The following ACCSL variants were observed in gnomAD, a reference collection of about 807,000 sequenced individuals.
ACCSL encodes the protein probable inactive 1-aminocyclopropane-1-carboxylate synthase-like protein 2.
In ACCSL, 55 loss-of-function variants were observed where a neutral mutation model predicts 61.7. The ratio of observed to expected loss-of-function variants is 0.89; its 90% CI spans 0.72 to 1.12. The LOEUF is 1.12. Among genes scored for constraint, ACCSL ranks in the 50% most tolerant of loss-of-function variants. The probability of loss-of-function intolerance (pLI) is 0.00; values close to 1 mark genes in which losing one functional copy is unlikely to be tolerated. For synonymous variants in ACCSL, 258 were observed against 264.3 expected (o/e 0.98, Z 0.23); for missense variants, 632 against 698.0 (o/e 0.91, Z 1.07).
intron 1 of ACCSL, 44 bp downstream of exon 1, chr11:44,048,584 C>A: frequency 2.0e-6 from 3 of 1,470,908 alleles, no homozygotes; most frequent in Admixed American, 1.7e-5. Context: ...TCACGGGCTC[C>A]AGTCACTTGG....
chr11:43,937,622 T>C, the ACCSL span, among the ~76,000 whole-genome samples: 1 of 152,198 alleles, frequency 6.6e-6, no homozygotes, highest in African/African-American at 2.4e-5. Flanking sequence ...CTCTTTCCAG[T>C]GCTGGACTGT....
the ACCSL span, among the ~76,000 whole-genome samples, chr11:43,998,684 A>G: frequency 6.6e-6 from 1 of 152,108 alleles, no homozygotes; most frequent in Non-Finnish European, 1.5e-5. Context: ...ACTTCTTCAT[A>G]GATTCATTCA....
the ACCSL span, among the ~76,000 whole-genome samples, chr11:44,033,812 C>T: frequency 1.3e-3 from 195 of 152,170 alleles, no homozygotes; most frequent in Non-Finnish European, 2.1e-3. Flanking sequence ...TTCACTGAGC[C>T]GCAGCTCTGG....
chr11:44,027,140 A>G, the ACCSL span, among the ~76,000 whole-genome samples: 2 of 152,204 alleles, frequency 1.3e-5, no homozygotes, highest in African/African-American at 4.8e-5. Flanking sequence ...CCTAGATACA[A>G]TAAGTTTCTC....
At chr11:44,040,306 A>C in the ACCSL span, among the ~76,000 whole-genome samples, 1 of 152,212 alleles carries the variant, frequency 6.6e-6, no homozygotes, top group African/African-American at 2.4e-5. Flanking sequence ...GGCCTAGCCT[A>C]CTTCAAAGAG....
chr11:43,936,913 C>T, the ACCSL span, among the ~76,000 whole-genome samples: 5 of 152,100 alleles, frequency 3.3e-5, no homozygotes, highest in African/African-American at 7.2e-5. Flanking sequence ...AAGAGGCCCT[C>T]AGTGAGCAGG....
chr11:43,924,950 T>G, the ACCSL span: 1 of 159,846 alleles, frequency 6.3e-6, no homozygotes, highest in Non-Finnish European at 1.4e-5. Context: ...CTTCGGGTTG[T>G]TTCCTGGAAT....
the ACCSL span, among the ~76,000 whole-genome samples, chr11:43,954,199 G>T: frequency 1.3e-5 from 2 of 152,168 alleles, no homozygotes; most frequent in Admixed American, 1.3e-4. Context: ...AATGTGTTTT[G>T]TTATGGGATG....
At chr11:43,949,286 C>A in the ACCSL span, among the ~76,000 whole-genome samples, 2 of 152,204 alleles carry the variant, frequency 1.3e-5, no homozygotes, top group Non-Finnish European at 2.9e-5. Flanking sequence ...TTGGGAAGAA[C>A]TGCAGGGAGA....
chr11:43,967,972 T>C, the ACCSL span, among the ~76,000 whole-genome samples: 1 of 152,230 alleles, frequency 6.6e-6, no homozygotes, highest in African/African-American at 2.4e-5. Flanking sequence ...TTGTGTTATA[T>C]ACCAGGGATC....
chr11:43,975,820 C>A, the ACCSL span, among the ~76,000 whole-genome samples: 1 of 152,166 alleles, frequency 6.6e-6, no homozygotes, highest in Non-Finnish European at 1.5e-5. Context: ...GAGGGTGGAA[C>A]TAGAAGGTGT....
the ACCSL span, among the ~76,000 whole-genome samples, chr11:43,988,070 C>G: frequency 6.6e-6 from 1 of 152,176 alleles, no homozygotes; most frequent in African/African-American, 2.4e-5. Context: ...GCCCTAGCCT[C>G]AGCTCCACCA....
At chr11:44,038,688 T>C in the ACCSL span, among the ~76,000 whole-genome samples, 3 of 150,796 alleles carry the variant, frequency 2.0e-5, no homozygotes, top group Non-Finnish European at 4.4e-5. Context: ...ATTCCAAAGC[T>C]CTATTTGCCA....
chr11:44,001,269 T>C, the ACCSL span: 3 of 151,846 alleles, frequency 2.0e-5, no homozygotes, highest in Non-Finnish European at 4.4e-5. Context: ...TACTCGTTAT[T>C]TGTACGCAAA....
chr11:43,996,148 G>T, the ACCSL span, among the ~76,000 whole-genome samples: 2 of 152,184 alleles, frequency 1.3e-5, no homozygotes. Context: ...GCCCTCAGAA[G>T]GGACCAACTC....
the ACCSL span, among the ~76,000 whole-genome samples, chr11:43,996,136 C>A: frequency 6.6e-6 from 1 of 152,222 alleles, no homozygotes; most frequent in East Asian, 1.9e-4. Flanking sequence ...TCCCCACTCA[C>A]AGCCCTCAGA....
At chr11:43,983,889 G>A in the ACCSL span, among the ~76,000 whole-genome samples, 1 of 152,150 alleles carries the variant, frequency 6.6e-6, no homozygotes, top group Non-Finnish European at 1.5e-5. Flanking sequence ...GCTGAGGCAG[G>A]CAGATCACTT....
the ACCSL span, among the ~76,000 whole-genome samples, chr11:43,946,203 C>T: frequency 1.3e-5 from 2 of 152,164 alleles, no homozygotes; most frequent in Non-Finnish European, 2.9e-5. Flanking sequence ...TCTCCTGCCT[C>T]AGCCTCCCGA....
chr11:44,001,491 A>G, the ACCSL span, among the ~76,000 whole-genome samples: 1 of 152,158 alleles, frequency 6.6e-6, no homozygotes, highest in African/African-American at 2.4e-5. Context: ...ACGTTCTAAG[A>G]TTCCGGGGTG....
Sources: allele counts gnomAD v4.1 joint callset (sites outside exome capture counted in the v4.1 genomes callset), GRCh38; gene constraint gnomAD v4.1.1; transcripts MANE v1.5; gene names NCBI Gene and HGNC (gene_info 2026-07-23, HGNC 2026-07-21).